Variants in PCDH15 observed in about 807,000 individuals in gnomAD.
PCDH15 encodes protocadherin related 15, also known as protocadherin-15.
In PCDH15, 129 loss-of-function variants were observed where a neutral mutation model predicts 178.5. The observed-to-expected ratio is 0.72, with a 90% CI of 0.63 to 0.84. The LOEUF is 0.84. Ranked by LOEUF, PCDH15 falls within the 40% of genes least tolerant of loss-of-function variation. The probability of loss-of-function intolerance (pLI) is 0.00; values close to 1 mark genes in which losing one functional copy is unlikely to be tolerated. For missense variants in PCDH15, 2,230 were observed against 2,099.9 expected, an observed-to-expected ratio of 1.06 and a Z score of -1.21; for synonymous variants, 800 against 732.0, an observed-to-expected ratio of 1.09 and a Z score of -1.50.
chr10:54,750,228 C>T lies in PCDH15; in HGVS notation c.-29+50697G>A, dbSNP rs193073850. 3.3e-5 allele frequency among the ~76,000 whole-genome samples: 5 copies of T among 151,900 alleles called. No homozygotes were observed. In the East Asian group the frequency reaches 5.8e-4, roughly 18 times the overall value. ...TACATTTATAAAACCGTAGAGATGGCTTATATTGTTTATGTGACATTGTTT... is the reference window on the plus strand; with the variant it reads ...TACATTTATAAAACCGTAGAGATGGTTTATATTGTTTATGTGACATTGTTT... On this transcript the variant is annotated intron_variant, in intron 1 of 37. Coordinates refer to ENST00000644397, the MANE Select transcript of PCDH15 (RefSeq NM_001384140.1).
chr10:53,979,626 G>C (rs1026219975), intron 21 of PCDH15, among the ~76,000 whole-genome samples: 3 of 152,168 alleles, frequency 2.0e-5, no homozygotes, highest in Non-Finnish European at 4.4e-5. Context: ...AGAAACATAG[G>C]TATGCTTTTG....
At chr10:54,150,578 T>C (rs1457842738) in intron 14 of PCDH15, among the ~76,000 whole-genome samples, 2 of 152,040 alleles carry the variant, frequency 1.3e-5, no homozygotes, top group East Asian at 3.8e-4. Context: ...TTAGATTTTA[T>C]TGTATACAGT....
intron 14 of PCDH15, among the ~76,000 whole-genome samples, chr10:54,143,614 G>C (rs2043608179): frequency 6.6e-6 from 1 of 152,262 alleles, no homozygotes; most frequent in South Asian, 2.1e-4. Context: ...TGATTGCATG[G>C]ACTAAACTAA....
intron 1 of PCDH15, among the ~76,000 whole-genome samples, chr10:54,731,219 A>C (rs1943279188): frequency 6.6e-6 from 1 of 151,290 alleles, no homozygotes; most frequent in Admixed American, 6.6e-5. Context: ...ATGAGCTATT[A>C]TCTTACCATA....
intron 1 of PCDH15, among the ~76,000 whole-genome samples, chr10:54,700,072 A>AGAGTTACT: frequency 6.6e-6 from 1 of 152,212 alleles, no homozygotes; most frequent in African/African-American, 2.4e-5. Context: ...TTAGCCCCCC[A>AGAGTTACT]GAGTTACTGC....
chr10:55,341,783 ATATATATATATATATATATATATTTTTT>A (rs1418199352), intron 2 of PCDH15, among the ~76,000 whole-genome samples: 476 of 13,434 alleles, frequency 0.035, 15 homozygotes, highest in African/African-American at 0.09. Flanking sequence ...ATATATATAT[ATATATATATATATATATATATATTTTTT>A]TTTTTTTTTT....
chr10:55,217,223 A>C (rs1368389957), intron 1 of PCDH15, among the ~76,000 whole-genome samples: 1 of 152,072 alleles, frequency 6.6e-6, no homozygotes, highest in South Asian at 2.1e-4. Context: ...TTTGTGAGAC[A>C]GTTTTCTAAT....
chr10:54,285,335 T>C (rs2058967457), intron 8 of PCDH15, among the ~76,000 whole-genome samples: 2 of 150,520 alleles, frequency 1.3e-5, no homozygotes, highest in Non-Finnish European at 3.0e-5. Flanking sequence ...TCAGATAAGA[T>C]ATTAATATCC....
intron 37 of PCDH15, chr10:53,808,801 T>A: frequency 6.2e-7 from 1 of 1,611,872 alleles, no homozygotes; most frequent in Non-Finnish European, 8.5e-7. Flanking sequence ...ACCTCCAGAC[T>A]GACTTTCGCT....
At chr10:53,893,405 C>T (rs1047468743) in intron 26 of PCDH15, among the ~76,000 whole-genome samples, 2 of 152,052 alleles carry the variant, frequency 1.3e-5, no homozygotes, top group Non-Finnish European at 1.5e-5. Context: ...ATTCATGCAA[C>T]ATATGTTAAA....
intron 29 of PCDH15, among the ~76,000 whole-genome samples, chr10:53,833,618 A>T (rs1001334726): frequency 1.3e-5 from 2 of 150,394 alleles, no homozygotes; most frequent in African/African-American, 4.9e-5. Flanking sequence ...ATTTTTAAAC[A>T]TATTCAGATA....
At chr10:54,274,117 G>A (rs985633880) in intron 8 of PCDH15, among the ~76,000 whole-genome samples, 13 of 151,926 alleles carry the variant, frequency 8.6e-5, no homozygotes, top group Admixed American at 2.0e-4. Context: ...GTGGGGGACA[G>A]CACACACTGG....
rs182265909 is a variant in PCDH15, at chr10:55,331,040, G to C, written c.-155-164389C>G. Reference sequence around the variant, plus strand: ...CTGACATGTTATCCATTATACTTAAGATACTTACGATTTCTTAAGAAATTC... The same window carrying C: ...CTGACATGTTATCCATTATACTTAACATACTTACGATTTCTTAAGAAATTC... On this transcript the variant is annotated intron_variant, in intron 2 of 5. Coordinates refer to the PCDH15 transcript ENST00000613346. Among the ~76,000 whole-genome samples the C allele has an allele frequency of 4.5e-4, 68 of 151,930 alleles. 1 individual carries two copies. The highest frequency in any genetic ancestry group is 7.2e-4 in the Non-Finnish European group (49 of 67,866).
intron 21 of PCDH15, among the ~76,000 whole-genome samples, chr10:53,991,094 C>T (rs116436349): frequency 0.053 from 8,113 of 152,232 alleles, 331 homozygotes; most frequent in East Asian, 0.19. Context: ...GAACCCCCCC[C>T]ACCCCCGTGG....
chr10:55,532,087 G>T (rs1841467408), intron 2 of PCDH15, among the ~76,000 whole-genome samples: 1 of 151,816 alleles, frequency 6.6e-6, no homozygotes, highest in Non-Finnish European at 1.5e-5. Flanking sequence ...GTTGTACATA[G>T]CTATTTATAA....
At chr10:55,572,577 T>G (rs1842425646) in intron 2 of PCDH15, among the ~76,000 whole-genome samples, 1 of 151,790 alleles carries the variant, frequency 6.6e-6, no homozygotes, top group African/African-American at 2.4e-5. Flanking sequence ...GAGGAGTAAG[T>G]GAGGAGAGAT....
intron 1 of PCDH15, among the ~76,000 whole-genome samples, chr10:54,752,517 C>CAAAAA (rs1183153628): frequency 1.9e-4 from 16 of 85,624 alleles, no homozygotes; most frequent in African/African-American, 2.4e-4. Context: ...AAAAAACAAA[C>CAAAAA]AAACAAACAA....
intron 3 of PCDH15, among the ~76,000 whole-genome samples, chr10:54,385,879 G>A (rs1180003825): frequency 2.0e-5 from 3 of 152,080 alleles, no homozygotes; most frequent in South Asian, 2.1e-4. Flanking sequence ...AAAGCCTGAC[G>A]AAGTACTTTA....
chr10:55,563,952 A>G (rs1332867871), intron 2 of PCDH15, among the ~76,000 whole-genome samples: 3 of 151,922 alleles, frequency 2.0e-5, no homozygotes, highest in African/African-American at 4.8e-5. Context: ...AAAGGACATT[A>G]GATAGTAACT....
Sources: allele counts gnomAD v4.1 joint callset (sites outside exome capture counted in the v4.1 genomes callset), GRCh38; gene constraint gnomAD v4.1.1; transcripts MANE v1.5; gene names NCBI Gene and HGNC (gene_info 2026-07-23, HGNC 2026-07-21).